SH3RF1: variants seen among roughly 807,000 people sequenced by gnomAD.
SH3RF1 encodes the protein E3 ubiquitin-protein ligase SH3RF1.
Under a neutral mutation model 74.0 loss-of-function variants are expected in SH3RF1, and 32 were observed. The observed-to-expected ratio is 0.43, with a 90% CI of 0.33 to 0.58. The LOEUF is 0.58. Ranked by LOEUF, SH3RF1 falls within the 20% of genes least tolerant of loss-of-function variation. The pLI is 0.05. For synonymous variants in SH3RF1, 396 were observed against 439.6 expected (o/e 0.90, Z 1.24); for missense variants, 954 against 1,130.9 (o/e 0.84, Z 2.24).
At chr4:169,261,072 C>G (rs770935736) in intron 2 of SH3RF1, among the ~76,000 whole-genome samples, 5 of 152,132 alleles carry the variant, frequency 3.3e-5, no homozygotes, top group Non-Finnish European at 7.4e-5. Flanking sequence ...AAAGATGGAC[C>G]AAACTCAGCC....
chr4:169,256,384 G>A (rs1731195236), intron 2 of SH3RF1, among the ~76,000 whole-genome samples: 1 of 151,968 alleles, frequency 6.6e-6, no homozygotes, highest in African/African-American at 2.4e-5. Flanking sequence ...TTACAGATGA[G>A]GCCCAGAGAA....
intron 2 of SH3RF1, among the ~76,000 whole-genome samples, chr4:169,160,347 T>C (rs1484413683): frequency 1.3e-5 from 2 of 152,236 alleles, no homozygotes; most frequent in African/African-American, 4.8e-5. Context: ...AATGGACTTA[T>C]TAACTTTTCC....
intron 2 of SH3RF1, among the ~76,000 whole-genome samples, chr4:169,211,481 CAAAAAAAAAA>C (rs760721489): frequency 1.1e-5 from 1 of 90,976 alleles, no homozygotes; most frequent in Admixed American, 1.2e-4. Context: ...GACTCCGTCT[CAAAAAAAAAA>C]AAAAAAAAAG....
intron 2 of SH3RF1, among the ~76,000 whole-genome samples, chr4:169,163,199 T>C (rs1734179088): frequency 6.6e-6 from 1 of 150,554 alleles, no homozygotes; most frequent in African/African-American, 2.5e-5. Flanking sequence ...ATTTGCATAA[T>C]GAATTTAGCT....
chr4:169,193,010 T>C (rs1734753881), intron 2 of SH3RF1, among the ~76,000 whole-genome samples: 1 of 151,960 alleles, frequency 6.6e-6, no homozygotes, highest in Non-Finnish European at 1.5e-5. Flanking sequence ...TGGATACTAT[T>C]ATTCTAAGTG....
intron 2 of SH3RF1, among the ~76,000 whole-genome samples, chr4:169,243,794 A>G (rs560745064): frequency 1.3e-5 from 2 of 152,252 alleles, no homozygotes; most frequent in South Asian, 4.2e-4. Flanking sequence ...AGAATTATTT[A>G]TTTCTTCTAT....
intron 2 of SH3RF1, among the ~76,000 whole-genome samples, chr4:169,260,071 G>A (rs2110757073): frequency 6.6e-6 from 1 of 152,306 alleles, no homozygotes; most frequent in Non-Finnish European, 1.5e-5. Flanking sequence ...GAAAAAAGCA[G>A]GCATTCTTCC....
chr4:169,149,048 G>A (rs1311649624), intron 4 of SH3RF1, among the ~76,000 whole-genome samples: 2 of 152,230 alleles, frequency 1.3e-5, no homozygotes, highest in Admixed American at 6.5e-5. Context: ...GGAAATCTGC[G>A]TTTTTATGTT....
chr4:169,100,785 C>G (rs1733013071), intron 11 of SH3RF1, among the ~76,000 whole-genome samples: 1 of 152,238 alleles, frequency 6.6e-6, no homozygotes, highest in African/African-American at 2.4e-5. Flanking sequence ...TCTCTTTTTA[C>G]ACAGCTGTAG....
chr4:169,242,139 A>G (rs1730922859), intron 2 of SH3RF1, among the ~76,000 whole-genome samples: 3 of 151,716 alleles, frequency 2.0e-5, no homozygotes, highest in Admixed American at 6.6e-5. Flanking sequence ...TTTTTTTTGT[A>G]GAGGAGTGAA....
intron 5 of SH3RF1, among the ~76,000 whole-genome samples, chr4:169,132,678 G>A (rs1002025912): frequency 2.6e-5 from 4 of 151,950 alleles, no homozygotes; most frequent in Non-Finnish European, 5.9e-5. Context: ...TAAGTAAGGT[G>A]GGGAAGAGTT....
At chr4:169,256,740 G>C (rs1731199575) in intron 2 of SH3RF1, among the ~76,000 whole-genome samples, 1 of 152,022 alleles carries the variant, frequency 6.6e-6, no homozygotes, top group African/African-American at 2.4e-5. Flanking sequence ...CGGACTACAG[G>C]TGCATGCCAC....
At chr4:169,151,529 TG>T (rs542285210) in intron 4 of SH3RF1, among the ~76,000 whole-genome samples, 42 of 152,144 alleles carry the variant, frequency 2.8e-4, no homozygotes, top group Non-Finnish European at 4.6e-4. Context: ...AGTATGTGTT[TG>T]GGGTACAGCA....
chr4:169,184,113 C>A (rs1218941263), intron 2 of SH3RF1, among the ~76,000 whole-genome samples: 1 of 152,206 alleles, frequency 6.6e-6, no homozygotes, highest in East Asian at 1.9e-4. Context: ...GCATGGACTG[C>A]TCTGAAGGTA....
At chr4:169,160,841 T>A (rs923966076) in intron 2 of SH3RF1, among the ~76,000 whole-genome samples, 1 of 152,220 alleles carries the variant, frequency 6.6e-6, no homozygotes, top group African/African-American at 2.4e-5. Flanking sequence ...AAAGAACACA[T>A]TTTCCTTTTG....
chr4:169,144,614 G>A (rs1039862992), intron 4 of SH3RF1, among the ~76,000 whole-genome samples: 1 of 152,152 alleles, frequency 6.6e-6, no homozygotes, highest in African/African-American at 2.4e-5. Flanking sequence ...AAATTCACGT[G>A]TCTGCATAGC....
At chr4:169,125,361 A>G (rs1733507950) in intron 6 of SH3RF1, among the ~76,000 whole-genome samples, 1 of 152,180 alleles carries the variant, frequency 6.6e-6, no homozygotes, top group Admixed American at 6.5e-5. Context: ...CTGTGAGTGA[A>G]AAGTTCAAGT....
intron 2 of SH3RF1, among the ~76,000 whole-genome samples, chr4:169,227,321 A>C (rs1384358327): frequency 6.6e-6 from 1 of 152,240 alleles, no homozygotes; most frequent in Non-Finnish European, 1.5e-5. Context: ...TGAAATGGCA[A>C]ATGAAAAACA....
At chr4:169,098,173 G>A (rs566871030) in intron 11 of SH3RF1, among the ~76,000 whole-genome samples, 2 of 152,208 alleles carry the variant, frequency 1.3e-5, no homozygotes, top group East Asian at 1.9e-4. Context: ...ACTTTTGGGC[G>A]TAACTGGTTA....
Sources: allele counts gnomAD v4.1 joint callset (sites outside exome capture counted in the v4.1 genomes callset), GRCh38; gene constraint gnomAD v4.1.1; transcripts MANE v1.5; gene names NCBI Gene and HGNC (gene_info 2026-07-23, HGNC 2026-07-21).